The following RTKN2 variants were observed in gnomAD, a reference collection of about 807,000 sequenced individuals.
RTKN2 encodes rhotekin 2, also known as rhotekin-2.
RTKN2 carries 69 observed loss-of-function variants against 71.5 expected under a neutral mutation model. The ratio of observed to expected loss-of-function variants is 0.96; its 90% CI spans 0.79 to 1.18. RTKN2 has a LOEUF of 1.18. Among genes scored for constraint, RTKN2 ranks in the 50% most tolerant of loss-of-function variants. RTKN2 has a pLI of 0.00. For synonymous variants in RTKN2, 236 were observed against 236.5 expected (o/e 1.00, Z 0.02); for missense variants, 724 against 719.7 (o/e 1.01, Z -0.07).
chr10:62,236,925 A>G (rs1314563493), intron 5 of RTKN2, among the ~76,000 whole-genome samples: 1 of 151,922 alleles, frequency 6.6e-6, no homozygotes, highest in Admixed American at 6.6e-5. Context: ...AGAGCTCAAA[A>G]CCATAGAAAT....
intron 3 of RTKN2, among the ~76,000 whole-genome samples, chr10:62,242,765 G>A (rs1382851198): frequency 1.3e-5 from 2 of 151,808 alleles, no homozygotes; most frequent in African/African-American, 4.8e-5. Context: ...GAGTAGCTGG[G>A]TTTACGGGCA....
intron 8 of RTKN2, among the ~76,000 whole-genome samples, chr10:62,185,270 G>A (rs1385765622): frequency 6.6e-6 from 1 of 151,916 alleles, no homozygotes; most frequent in African/African-American, 2.4e-5. Context: ...CACCAAGTCA[G>A]TCCCAAACTA....
At chr10:62,262,945 T>C (rs887134915) in intron 1 of RTKN2, 124 bp from the exon 2 acceptor site, 31 of 568,636 alleles carry the variant, frequency 5.5e-5, no homozygotes, top group Non-Finnish European at 7.9e-5. Flanking sequence ...TTTTAATATA[T>C]GTAGTGTAAA....
intron 6 of RTKN2, among the ~76,000 whole-genome samples, chr10:62,230,347 A>ATT (rs1048639267): frequency 6.7e-6 from 1 of 149,866 alleles, no homozygotes; most frequent in Non-Finnish European, 1.5e-5. Flanking sequence ...AATTTTTTGT[A>ATT]TTTTTTTTTA....
chr10:62,245,823 T>TA (rs34205992), intron 3 of RTKN2, among the ~76,000 whole-genome samples, 176 bp downstream of exon 3: 83,069 of 151,840 alleles, frequency 0.55, 23,679 homozygotes, highest in East Asian at 0.89. Context: ...TCTTAAACTC[T>TA]AAAGTTCTAT....
intron 8 of RTKN2, among the ~76,000 whole-genome samples, chr10:62,186,489 A>T (rs931173784): frequency 2.8e-5 from 4 of 143,970 alleles, no homozygotes; most frequent in African/African-American, 1.0e-4. Flanking sequence ...TAAAGCAATA[A>T]GGAAAGTAGC....
chr10:62,251,875 G>A (rs1313860507), intron 2 of RTKN2, among the ~76,000 whole-genome samples: 1 of 151,820 alleles, frequency 6.6e-6, no homozygotes, highest in East Asian at 1.9e-4. Flanking sequence ...GGTGTCCAAT[G>A]ATAAATATAT....
At chr10:62,207,992 G>T (rs1473383171) in intron 9 of RTKN2, among the ~76,000 whole-genome samples, 2 of 152,050 alleles carry the variant, frequency 1.3e-5, no homozygotes, top group African/African-American at 4.8e-5. Context: ...TATTCACTGT[G>T]TAATTTTAAT....
At chr10:62,221,427 C>T (rs1841904091) in intron 7 of RTKN2, among the ~76,000 whole-genome samples, 1 of 151,990 alleles carries the variant, frequency 6.6e-6, no homozygotes, top group African/African-American at 2.4e-5. Context: ...AACCTAAATA[C>T]ACAGCTATTT....
intron 2 of RTKN2, 89 bp from the exon 3 acceptor site, chr10:62,246,146 G>A (rs1210345259): frequency 2.6e-6 from 2 of 756,596 alleles, no homozygotes; most frequent in East Asian, 2.6e-5. Flanking sequence ...AATATTAAAA[G>A]CAAATGCATA....
At chr10:62,225,708 G>A (rs1326157592) in intron 6 of RTKN2, among the ~76,000 whole-genome samples, 1 of 151,640 alleles carries the variant, frequency 6.6e-6, no homozygotes, top group Non-Finnish European at 1.5e-5. Context: ...AGAATTTCTC[G>A]TGATGAATTT....
At chr10:62,226,010 C>T (rs1176737335) in intron 6 of RTKN2, among the ~76,000 whole-genome samples, 1 of 152,082 alleles carries the variant, frequency 6.6e-6, no homozygotes, top group Non-Finnish European at 1.5e-5. Flanking sequence ...TCTCGATCTC[C>T]TGACCTCATG....
intron 2 of RTKN2, among the ~76,000 whole-genome samples, chr10:62,252,750 G>T (rs1378079017): frequency 6.6e-6 from 1 of 151,922 alleles, no homozygotes; most frequent in Non-Finnish European, 1.5e-5. Flanking sequence ...TTGCTATAAA[G>T]GAATACCTAA....
chr10:62,204,919 A>G lies in RTKN2; in HGVS notation c.1124T>C (p.Val375Ala), dbSNP rs772715743. 3 of 1,602,162 alleles carry G rather than the reference A, an allele frequency of 1.9e-6. No individual in the cohort carries two copies. Among genetic ancestry groups the G allele is most frequent in the Admixed American group, 3.5e-5 (2 of 57,712 alleles). The change falls in exon 10 of 12, where the codon GTT becomes GCT. Residue 375 changes from valine to alanine, a missense_variant. Coordinates refer to ENST00000373789, the MANE Select transcript of RTKN2 (RefSeq NM_145307.4). ...CTTCTGAAGATCTTCTCTATTGTCAACTGCAAAAATCTGAGTTATAGCTTG... is the reference window on the plus strand; with the variant it reads ...CTTCTGAAGATCTTCTCTATTGTCAGCTGCAAAAATCTGAGTTATAGCTTG... ...PGQAITQIFA[V>A]DNREDLQKWM...
intron 6 of RTKN2, among the ~76,000 whole-genome samples, chr10:62,234,285 G>A (rs951483131): frequency 3.9e-5 from 6 of 152,072 alleles, no homozygotes; most frequent in Admixed American, 3.9e-4. Flanking sequence ...AGCACTTTGG[G>A]AAGCTGAGGC....
At position 62,268,559 on chromosome 10, in the gene RTKN2, T is replaced by G. The variant is rs1281614666; in HGVS notation, c.52A>C (p.Thr18Pro). ...TCCCTCCCGCAACTCACCTGCTGGG[T>G]GGGAAGCCCCGCCAGGCGGAGCGCA... ...GPALRLAGLP[T>P]QQDCNIQEKI... Residue 18 changes from threonine (T) to proline (P), a missense_variant, in exon 1 of 12, where the codon ACC (threonine) becomes CCC (proline). Physicochemically the swap from Thr to Pro is conservative, Grantham distance 38. Coordinates refer to ENST00000373789, the MANE Select transcript of RTKN2 (RefSeq NM_145307.4). The G allele has an allele frequency of 6.4e-7, 1 of 1,561,768 alleles. No individual in the cohort carries two copies.
chr10:62,212,160 T>C (rs1349481017), intron 9 of RTKN2, among the ~76,000 whole-genome samples: 2 of 151,756 alleles, frequency 1.3e-5, no homozygotes, highest in Non-Finnish European at 2.9e-5. Context: ...ATAATAGTTA[T>C]GGCCAGTAGC....
intron 2 of RTKN2, among the ~76,000 whole-genome samples, chr10:62,262,369 G>T (rs1418590479): frequency 1.3e-5 from 2 of 152,030 alleles, no homozygotes; most frequent in Non-Finnish European, 2.9e-5. Context: ...TTCTTAAAAT[G>T]CTCCCTCAGT....
chr10:62,246,081 G>T, intron 2 of RTKN2, 24 bp from the exon 3 acceptor site: 1 of 1,480,922 alleles, frequency 6.8e-7, no homozygotes, highest in Non-Finnish European at 9.3e-7. Flanking sequence ...AAAACTTATG[G>T]AAAAAAGATC....
Sources: allele counts gnomAD v4.1 joint callset (sites outside exome capture counted in the v4.1 genomes callset), GRCh38; gene constraint gnomAD v4.1.1; transcripts MANE v1.5; gene names NCBI Gene and HGNC (gene_info 2026-07-23, HGNC 2026-07-21).